DLGAP1: variants seen among roughly 807,000 people sequenced by gnomAD.
DLGAP1 encodes the protein DLG associated protein 1.
DLGAP1 carries 11 observed loss-of-function variants against 90.8 expected under a neutral mutation model. That is an observed-to-expected ratio of 0.12 (90% CI 0.08 to 0.20). The LOEUF is 0.20. DLGAP1 is among the 10% of genes least tolerant of loss of function. The pLI is 1.00. For missense variants in DLGAP1, 1,050 were observed against 1,333.8 expected (o/e 0.79, Z 3.31); for synonymous variants, 558 against 540.7 (o/e 1.03, Z -0.44).
intron 6 of DLGAP1, among the ~76,000 whole-genome samples, chr18:3,732,140 G>A (rs1003934906): frequency 1.1e-4 from 16 of 152,248 alleles, no homozygotes; most frequent in Non-Finnish European, 2.1e-4. Context: ...CCATAGTCTG[G>A]GTTTTGCTGA....
intron 1 of DLGAP1, among the ~76,000 whole-genome samples, chr18:4,229,511 G>A (rs1161512743): frequency 6.6e-6 from 1 of 151,960 alleles, no homozygotes; most frequent in Non-Finnish European, 1.5e-5. Flanking sequence ...AGAGGACCTA[G>A]AAACAAATTC....
intron 3 of DLGAP1, among the ~76,000 whole-genome samples, chr18:3,996,035 G>A (rs912753491): frequency 1.3e-5 from 2 of 152,018 alleles, no homozygotes; most frequent in Non-Finnish European, 2.9e-5. Flanking sequence ...TGAAGTCTAA[G>A]TAAGCCTAAT....
At chr18:4,354,788 A>AT (rs1284970421) in intron 1 of DLGAP1, among the ~76,000 whole-genome samples, 2 of 145,988 alleles carry the variant, frequency 1.4e-5, no homozygotes, top group African/African-American at 5.0e-5. Context: ...GCCACTCATT[A>AT]TTGTTAAATA....
chr18:3,909,982 T>C (rs1799686453), intron 3 of DLGAP1, among the ~76,000 whole-genome samples: 1 of 152,024 alleles, frequency 6.6e-6, no homozygotes, highest in Admixed American at 6.6e-5. Context: ...TGATCTAGTG[T>C]CATTTCTTAT....
At chr18:4,101,143 G>A (rs918075019) in intron 2 of DLGAP1, among the ~76,000 whole-genome samples, 3 of 152,084 alleles carry the variant, frequency 2.0e-5, no homozygotes, top group African/African-American at 7.2e-5. Context: ...AGCTTTTTAC[G>A]TGGCTTCCTC....
At chr18:4,073,481 T>C (rs1308021963) in intron 2 of DLGAP1, among the ~76,000 whole-genome samples, 6 of 152,164 alleles carry the variant, frequency 3.9e-5, no homozygotes, top group African/African-American at 1.4e-4. Context: ...CTTTACATTT[T>C]CAAATCAGGG....
chr18:3,556,210 C>A (rs1455578387), intron 9 of DLGAP1, among the ~76,000 whole-genome samples: 1 of 152,176 alleles, frequency 6.6e-6, no homozygotes, highest in Non-Finnish European at 1.5e-5. Flanking sequence ...TACACCCCTT[C>A]CCCCGACACA....
At chr18:4,319,398 C>T (rs930139056) in intron 1 of DLGAP1, among the ~76,000 whole-genome samples, 2 of 152,132 alleles carry the variant, frequency 1.3e-5, no homozygotes, top group African/African-American at 2.4e-5. Flanking sequence ...TGCTAAACAA[C>T]ATGAGGGCTG....
At chr18:4,422,489 A>G (rs1185339590) in intron 1 of DLGAP1, among the ~76,000 whole-genome samples, 1 of 152,014 alleles carries the variant, frequency 6.6e-6, no homozygotes, top group Admixed American at 6.6e-5. Flanking sequence ...TTTATTTACA[A>G]TATTTTAAAA....
At chr18:3,641,567 C>CAA (rs200436857) in intron 7 of DLGAP1, among the ~76,000 whole-genome samples, 1 of 135,234 alleles carries the variant, frequency 7.4e-6, no homozygotes, top group African/African-American at 3.0e-5. Context: ...GAACATAAGA[C>CAA]AATGTACACA....
chr18:3,773,853 C>T (rs527452616), intron 5 of DLGAP1, among the ~76,000 whole-genome samples: 6 of 152,210 alleles, frequency 3.9e-5, no homozygotes, highest in African/African-American at 1.4e-4. Flanking sequence ...TTCCAGGTAG[C>T]CTGACAGTCA....
chr18:3,607,580 G>A (rs1259327730), intron 7 of DLGAP1: 2 of 152,148 alleles, frequency 1.3e-5, no homozygotes, highest in Non-Finnish European at 2.9e-5. Flanking sequence ...ACCCATACAA[G>A]GCAGCCAAAT....
chr18:4,142,287 A>T (rs1411630362), intron 2 of DLGAP1, among the ~76,000 whole-genome samples: 1 of 152,244 alleles, frequency 6.6e-6, no homozygotes, highest in African/African-American at 2.4e-5. Flanking sequence ...GAGAGTAGTT[A>T]AAATGTTATT....
chr18:3,722,369 A>T (rs965874860), intron 7 of DLGAP1: 2 of 152,198 alleles, frequency 1.3e-5, no homozygotes, highest in Non-Finnish European at 2.9e-5. Flanking sequence ...TTATAGAGGA[A>T]TCCTACCTCG....
chr18:3,811,636 C>G (rs1459855080), intron 5 of DLGAP1, among the ~76,000 whole-genome samples: 2 of 152,208 alleles, frequency 1.3e-5, no homozygotes, highest in African/African-American at 4.8e-5. Context: ...GGAGCTGACC[C>G]TCTACCATCA....
At position 4,234,590 on chromosome 18, in the gene DLGAP1, A is replaced by G. The variant is rs185682959; in HGVS notation, c.-266-83303T>C. Among the ~76,000 whole-genome samples the G allele has an allele frequency of 2.5e-3, 387 of 152,318 alleles. 8 individuals carry two copies. The highest frequency in any genetic ancestry group is 1.2e-3 in the South Asian group (6 of 4,826). On this transcript the variant is annotated intron_variant, in intron 1 of 12. Coordinates refer to ENST00000315677, the MANE Select transcript of DLGAP1 (RefSeq NM_004746.4). ...ATAGAAAGAATATATTAAATGGAAA[A>G]TATTTTATATAATACAGGCCTTTTG...
intron 3 of DLGAP1, among the ~76,000 whole-genome samples, chr18:3,987,431 T>G (rs906886992): frequency 1.3e-5 from 2 of 152,214 alleles, no homozygotes; most frequent in African/African-American, 4.8e-5. Context: ...AATTCTAAAA[T>G]TCAATTATAA....
chr18:4,130,125 G>A (rs2076291689), intron 2 of DLGAP1, among the ~76,000 whole-genome samples: 1 of 152,108 alleles, frequency 6.6e-6, no homozygotes. Flanking sequence ...TTTATTATAA[G>A]AACATTAAAT....
chr18:4,388,330 G>T (rs1197756061), intron 1 of DLGAP1, among the ~76,000 whole-genome samples: 1 of 152,016 alleles, frequency 6.6e-6, no homozygotes, highest in East Asian at 1.9e-4. Context: ...GGAAAAAATG[G>T]TTTCAGTTTT....
Sources: allele counts gnomAD v4.1 joint callset (sites outside exome capture counted in the v4.1 genomes callset), GRCh38; gene constraint gnomAD v4.1.1; transcripts MANE v1.5; gene names NCBI Gene and HGNC (gene_info 2026-07-23, HGNC 2026-07-21).